Variants in MINK1 observed in about 807,000 individuals in gnomAD.
The protein encoded by MINK1 is misshapen-like kinase 1.
Under a neutral mutation model 178.4 loss-of-function variants are expected in MINK1, and 46 were observed. The observed-to-expected ratio is 0.26, with a 90% CI of 0.20 to 0.33. The LOEUF (loss-of-function observed/expected upper bound fraction) is 0.33, where lower values mean the gene tolerates loss of function less well. Among genes scored for constraint, MINK1 ranks in the 10% least tolerant of loss-of-function variants. The pLI is 1.00. For synonymous variants in MINK1, 797 were observed against 709.7 expected (o/e 1.12, Z -1.96); for missense variants, 1,366 against 1,814.9 (o/e 0.75, Z 4.49).
chr17:4,862,483 C>T (rs1034617528), intron 1 of MINK1, among the ~76,000 whole-genome samples: 8 of 151,946 alleles, frequency 5.3e-5, no homozygotes, highest in Admixed American at 3.3e-4. Context: ...GGCGAAACCC[C>T]GTCTCTACTA....
At chr17:4,871,822 C>G (rs932960093) in intron 1 of MINK1, among the ~76,000 whole-genome samples, 28 of 152,162 alleles carry the variant, frequency 1.8e-4, no homozygotes, top group Non-Finnish European at 4.4e-5. Flanking sequence ...TCTCCATGCC[C>G]TCAGCAACGC....
chr17:4,846,166 A>G (rs1567559773), intron 1 of MINK1, among the ~76,000 whole-genome samples: 1 of 152,204 alleles, frequency 6.6e-6, no homozygotes, highest in Non-Finnish European at 1.5e-5. Flanking sequence ...CTGGGGTGGT[A>G]TCTTAGGGTA....
chr17:4,842,156 G>A (rs1194374870), intron 1 of MINK1, among the ~76,000 whole-genome samples: 4 of 151,594 alleles, frequency 2.6e-5, no homozygotes, highest in Non-Finnish European at 2.9e-5. Flanking sequence ...CCCGGGAGGC[G>A]GAGCTTGTAG....
Position 4,896,238 on chromosome 17 carries a change from G to A in MINK1, c.3511G>A (p.Val1171Ile), listed in dbSNP as rs1322315733. 1.2e-6 allele frequency: 2 copies of A among 1,605,974 alleles called. No homozygotes were observed. The highest frequency in any genetic ancestry group is 1.7e-6 in the Non-Finnish European group (2 of 1,175,766). ...CCGCCCTCTGCTGGTCGACCTGACA[G>A]TAGAGGAGGGGCAGCGGCTCAAGGT... ...PHRPLLVDLT[V>I]EEGQRLKVIY... The change falls in exon 29 of 32, where the codon GTA (valine) becomes ATA (isoleucine). Residue 1171 changes from valine to isoleucine, a missense_variant. Physicochemically the swap from Val to Ile is conservative, Grantham distance 29. This residue lies in a region of MINK1 where 201 missense variants were observed against 240.7 expected (regional missense o/e 0.84). Transcript: ENST00000355280. The surrounding 1 kb of genome is among the most constrained non-coding windows in gnomAD (Gnocchi z 4.6).
chr17:4,845,845 G>A (rs1032165607), intron 1 of MINK1, among the ~76,000 whole-genome samples: 2 of 152,140 alleles, frequency 1.3e-5, no homozygotes, highest in African/African-American at 4.8e-5. Flanking sequence ...TTTTACTGTG[G>A]TGGCCAGGCT....
intron 15 of MINK1, 68 bp downstream of exon 15, chr17:4,891,192 ACACGCGCG>A: frequency 1.8e-6 from 2 of 1,088,184 alleles, no homozygotes; most frequent in Admixed American, 3.4e-5. Context: ...AGGTACACAC[ACACGCGCG>A]CACACACACA....
At position 4,894,124 on chromosome 17, in the gene MINK1, C is replaced by G. The variant is rs755054263; in HGVS notation, c.2670+31C>G. The G allele has an allele frequency of 1.9e-6, 3 of 1,608,576 alleles. No homozygotes were observed. ...TGAGCCTCTGCTCCCTCCCCTGTACCTGTGTGTGCCCTCCTCAGCCCCACG... is the reference window on the plus strand; with the variant it reads ...TGAGCCTCTGCTCCCTCCCCTGTACGTGTGTGTGCCCTCCTCAGCCCCACG... On this transcript the variant is annotated intron_variant, in intron 22 of 31. Transcript: ENST00000355280. The surrounding 1 kb of genome is among the most constrained non-coding windows in gnomAD (Gnocchi z 4.1).
chr17:4,846,056 G>A (rs571169768), intron 1 of MINK1, among the ~76,000 whole-genome samples: 1 of 152,358 alleles, frequency 6.6e-6, no homozygotes, highest in Admixed American at 6.5e-5. Context: ...GAGGAAAAAG[G>A]GAGGGAGTGA....
intron 1 of MINK1, among the ~76,000 whole-genome samples, chr17:4,840,486 A>G (rs1910046756): frequency 6.6e-6 from 1 of 151,272 alleles, no homozygotes; most frequent in Non-Finnish European, 1.5e-5. Flanking sequence ...TGGGGGAGGG[A>G]CTCTGGGTCC....
intron 1 of MINK1, among the ~76,000 whole-genome samples, chr17:4,870,504 A>G (rs1448483487): frequency 6.6e-6 from 1 of 152,064 alleles, no homozygotes; most frequent in Non-Finnish European, 1.5e-5. Flanking sequence ...TTGAAATATA[A>G]TTTACATACC....
intron 13 of MINK1, 75 bp downstream of exon 13, chr17:4,889,838 C>G: frequency 9.4e-7 from 1 of 1,067,250 alleles, no homozygotes; most frequent in Non-Finnish European, 1.3e-6. Flanking sequence ...TCCCCGTGCC[C>G]TTCCCCCTTC....
chr17:4,894,133 C>G lies in MINK1; in HGVS notation c.2670+40C>G, dbSNP rs1174098999. The G allele has an allele frequency of 6.2e-7, 1 of 1,609,784 alleles. No homozygotes were observed. Among genetic ancestry groups the G allele is most frequent in the African/African-American group, 1.3e-5 (1 of 74,826 alleles). On this transcript the variant is annotated intron_variant, in intron 22 of 31. Transcript: ENST00000355280. This position sits in a 1 kb window ranked among gnomAD's most constrained non-coding sequence, Gnocchi z 4.1. ...GCTCCCTCCCCTGTACCTGTGTGTG[C>G]CCTCCTCAGCCCCACGCCAACCCTG... is the stretch of plus-strand genomic sequence containing the variant.
At position 4,886,026 on chromosome 17, in the gene MINK1, G is replaced by C. The variant is rs535250839; in HGVS notation, c.694+61G>C. Reference sequence around the variant, plus strand: ...GAAAGGAAGGGCCCAGAGAGTGGCTGTAGGGAGGAGGTGGGTCCTGGGACC... The same window carrying C: ...GAAAGGAAGGGCCCAGAGAGTGGCTCTAGGGAGGAGGTGGGTCCTGGGACC... On this transcript the variant is annotated intron_variant, in intron 8 of 31. Transcript: ENST00000355280. This position sits in a 1 kb window ranked among gnomAD's most constrained non-coding sequence, Gnocchi z 6.1. The C allele has an allele frequency of 6.2e-7, 1 of 1,609,676 alleles. No homozygotes were observed. Among genetic ancestry groups the C allele is most frequent in the South Asian group, 1.1e-5 (1 of 90,976 alleles).
rs539158430 is a variant in MINK1 at position 4,885,903 on chromosome 17, G to A, written c.640-8G>A. The stretch of plus-strand genomic sequence containing the variant: ...AATATTCACTTGTTCCTTCTTTCCC[G>A]TCTATAGAGTGATATTTGGTCTCTA... On this transcript the variant is annotated splice_polypyrimidine_tract_variant and splice_region_variant and intron_variant, in intron 7 of 31. Transcript: ENST00000355280. The surrounding 1 kb of genome is among the most constrained non-coding windows in gnomAD (Gnocchi z 5.0). 2.8e-5 allele frequency: 45 copies of A among 1,613,578 alleles called. No homozygotes were observed. The highest frequency in any genetic ancestry group is 6.7e-5 in the East Asian group (3 of 44,878).
At chr17:4,893,799 CT>C in intron 21 of MINK1, 188 bp from the exon 22 acceptor site, 1 of 897,842 alleles carries the variant, frequency 1.1e-6, no homozygotes, top group Non-Finnish European at 1.6e-6. Flanking sequence ...CTGTCTGCCC[CT>C]GTGCCAGCCT....
At chr17:4,842,963 CG>C (rs1370161157) in intron 1 of MINK1, among the ~76,000 whole-genome samples, 1 of 152,174 alleles carries the variant, frequency 6.6e-6, no homozygotes, top group African/African-American at 2.4e-5. Flanking sequence ...CACAGCTGAG[CG>C]GGATGAGCTG....
chr17:4,892,305 C>T (rs940659092), intron 17 of MINK1, 71 bp downstream of exon 17: 4 of 1,486,450 alleles, frequency 2.7e-6, no homozygotes, highest in Non-Finnish European at 3.6e-6. Context: ...GGCACAGGGA[C>T]TTTACCAGCC....
rs182915289 is a variant in MINK1, at chr17:4,864,913, C to G, written c.58-13404C>G. The stretch of plus-strand genomic sequence containing the variant: ...CTTGAATATGTCTTCTTCAAAAGAA[C>G]CTTTTCCTGGCTCCCCAGCCTCGGT... On this transcript the variant is annotated intron_variant, in intron 1 of 31. Coordinates refer to ENST00000355280, the MANE Select transcript of MINK1 (RefSeq NM_153827.5). Among the ~76,000 whole-genome samples, 6 of 152,268 alleles carry G rather than the reference C, an allele frequency of 3.9e-5. No individual in the cohort carries two copies. In the East Asian group the frequency reaches 9.6e-4, roughly 24 times the overall value.
At chr17:4,891,408 G>T in intron 15 of MINK1, 48 bp from the exon 16 acceptor site, 2 of 1,514,264 alleles carry the variant, frequency 1.3e-6, no homozygotes, top group Non-Finnish European at 1.8e-6. Context: ...CGCAGGTGGG[G>T]ATGTGCCATG....
Sources: gnomAD v4.1 joint callset for allele counts (sites outside exome capture counted in the v4.1 genomes callset) on GRCh38, gnomAD v4.1.1 for gene constraint, gnomAD v4.1.1 regional missense constraint, Gnocchi (gnomAD v3.1) non-coding constraint, MANE v1.5 for transcripts, NCBI Gene and HGNC (gene_info 2026-07-23, HGNC 2026-07-21) for gene names.